The following MDGA2 variants were observed in gnomAD, a reference collection of about 807,000 sequenced individuals.
The protein encoded by MDGA2 is MAM domain containing glycosylphosphatidylinositol anchor 2, also known as MAM domain-containing glycosylphosphatidylinositol anchor protein 2.
MDGA2 carries 40 observed loss-of-function variants against 117.8 expected under a neutral mutation model. The ratio of observed to expected loss-of-function variants is 0.34; its 90% CI spans 0.26 to 0.44. MDGA2 has a LOEUF of 0.44. MDGA2 is among the 20% of genes least tolerant of loss of function. The probability of loss-of-function intolerance (pLI) is 1.00; values close to 1 mark genes in which losing one functional copy is unlikely to be tolerated. For synonymous variants in MDGA2, 452 were observed against 439.0 expected, an observed-to-expected ratio of 1.03 and a Z score of -0.37; for missense variants, 1,123 against 1,250.6, an observed-to-expected ratio of 0.90 and a Z score of 1.54.
At chr14:47,004,930 T>C (rs1274770573) in intron 8 of MDGA2, among the ~76,000 whole-genome samples, 1 of 151,670 alleles carries the variant, frequency 6.6e-6, no homozygotes, top group Non-Finnish European at 1.5e-5. Flanking sequence ...TGGGGTGAAT[T>C]ACAATTAATT....
intron 1 of MDGA2, among the ~76,000 whole-genome samples, chr14:47,420,731 G>A (rs1423327361): frequency 6.6e-6 from 1 of 151,890 alleles, no homozygotes; most frequent in Non-Finnish European, 1.5e-5. Context: ...CCTTACTGTT[G>A]TTAAAATCAG....
At chr14:47,133,066 C>T (rs1219600960) in intron 4 of MDGA2, among the ~76,000 whole-genome samples, 1 of 150,220 alleles carries the variant, frequency 6.7e-6, no homozygotes, top group African/African-American at 2.4e-5. Flanking sequence ...TGTCCAAATT[C>T]AGTCTTAAAT....
intron 1 of MDGA2, among the ~76,000 whole-genome samples, chr14:47,591,774 A>G (rs935054774): frequency 6.6e-6 from 1 of 152,148 alleles, no homozygotes; most frequent in African/African-American, 2.4e-5. Context: ...GCATTGATGT[A>G]ACATATGTCA....
chr14:47,512,381 C>T (rs1016564874), intron 1 of MDGA2, among the ~76,000 whole-genome samples: 1 of 152,060 alleles, frequency 6.6e-6, no homozygotes, highest in Non-Finnish European at 1.5e-5. Flanking sequence ...ATAATTTCCT[C>T]ATTATAAACA....
intron 1 of MDGA2, among the ~76,000 whole-genome samples, chr14:47,596,257 T>G (rs1896540252): frequency 6.6e-6 from 1 of 152,214 alleles, no homozygotes; most frequent in Non-Finnish European, 1.5e-5. Context: ...CATACAGTTT[T>G]GTTCTAGTAA....
intron 1 of MDGA2, among the ~76,000 whole-genome samples, chr14:47,619,182 T>C (rs1012705885): frequency 4.0e-5 from 6 of 150,592 alleles, no homozygotes; most frequent in African/African-American, 1.2e-4. Flanking sequence ...GCTAATATGA[T>C]TGGAAACAAT....
intron 9 of MDGA2, among the ~76,000 whole-genome samples, chr14:46,947,312 T>C (rs994649215): frequency 1.3e-5 from 2 of 152,162 alleles, no homozygotes. Context: ...CTAAATCCTG[T>C]ATAAATTATC....
chr14:47,013,545 C>T (rs897010403), intron 8 of MDGA2, among the ~76,000 whole-genome samples: 1 of 151,584 alleles, frequency 6.6e-6, no homozygotes, highest in Non-Finnish European at 1.5e-5. Flanking sequence ...ATATTTTGAC[C>T]TCCTCTTATG....
At chr14:47,496,558 C>T (rs1303780266) in intron 1 of MDGA2, among the ~76,000 whole-genome samples, 1 of 151,864 alleles carries the variant, frequency 6.6e-6, no homozygotes, top group Non-Finnish European at 1.5e-5. Context: ...GATTCCCCAC[C>T]TTTTTTATAG....
At chr14:47,104,079 C>T (rs10145984) in intron 5 of MDGA2, among the ~76,000 whole-genome samples, 79,129 of 152,082 alleles carry the variant, frequency 0.52, 21,004 homozygotes, top group African/African-American at 0.64. Flanking sequence ...TATGCATTTA[C>T]CAGGCTTGAC....
At chr14:47,334,348 C>G (rs1212630865) in intron 1 of MDGA2, among the ~76,000 whole-genome samples, 2 of 151,760 alleles carry the variant, frequency 1.3e-5, no homozygotes, top group Non-Finnish European at 1.5e-5. Context: ...TGGATCATGT[C>G]TGTTTTGTGT....
intron 10 of MDGA2, among the ~76,000 whole-genome samples, chr14:46,916,987 C>G (rs1332899521): frequency 1.4e-5 from 2 of 138,882 alleles, no homozygotes; most frequent in African/African-American, 5.9e-5. Flanking sequence ...TGGTTTATTA[C>G]ACTAGAAATA....
intron 2 of MDGA2, among the ~76,000 whole-genome samples, chr14:47,224,150 G>C (rs1289814586): frequency 6.6e-6 from 1 of 152,030 alleles, no homozygotes; most frequent in Non-Finnish European, 1.5e-5. Flanking sequence ...ACTCATTTCT[G>C]TAAAAATAAC....
At chr14:47,057,600 C>T (rs199769081) in intron 7 of MDGA2, among the ~76,000 whole-genome samples, 5 of 149,612 alleles carry the variant, frequency 3.3e-5, no homozygotes. Context: ...CCTCTCTTTT[C>T]TTCTTTCCTT....
At chr14:46,917,880 T>C (rs1392748523) in intron 10 of MDGA2, among the ~76,000 whole-genome samples, 2 of 152,120 alleles carry the variant, frequency 1.3e-5, no homozygotes, top group Non-Finnish European at 2.9e-5. Flanking sequence ...GTACAAGATA[T>C]GGATGAGAAA....
At chr14:46,951,115 T>C (rs903441306) in intron 9 of MDGA2, among the ~76,000 whole-genome samples, 2 of 151,972 alleles carry the variant, frequency 1.3e-5, no homozygotes, top group African/African-American at 4.8e-5. Context: ...AAATACAGGA[T>C]GTGAAATCCT....
chr14:47,142,320 T>C (rs1882755391), intron 4 of MDGA2, among the ~76,000 whole-genome samples: 1 of 152,128 alleles, frequency 6.6e-6, no homozygotes, highest in Admixed American at 6.6e-5. Context: ...GGCAGGTGCC[T>C]GTAATCCCAG....
Position 46,957,501 on chromosome 14 carries a change from C to G in MDGA2, c.1962G>C (p.Thr654=). Residue 654 remains threonine (T), a synonymous_variant, in exon 9 of 17, where the codon ACG becomes ACC. Coordinates refer to ENST00000399232, the MANE Select transcript of MDGA2 (RefSeq NM_001113498.3). ...TGTATTCCTGAGAGTCAAATTGACC[C>G]GTCCGTAATAATTTATTGCCCAAGC... ...EWRLGNKLLR[T]GQFDSQEYTE... is the part of the protein sequence containing the mutation. 1 of 1,614,048 alleles carries G rather than the reference C, an allele frequency of 6.2e-7. No individual in the cohort carries two copies.
chr14:47,653,975 G>A (rs1164923555), intron 1 of MDGA2, among the ~76,000 whole-genome samples: 3 of 152,118 alleles, frequency 2.0e-5, no homozygotes, highest in Non-Finnish European at 2.9e-5. Context: ...CCCATGTCAG[G>A]CTTCTGACCT....
Sources: gnomAD v4.1 joint callset for allele counts (sites outside exome capture counted in the v4.1 genomes callset) on GRCh38, gnomAD v4.1.1 for gene constraint, MANE v1.5 for transcripts, NCBI Gene and HGNC (gene_info 2026-07-23, HGNC 2026-07-21) for gene names.